DPP10: variants seen among roughly 807,000 people sequenced by gnomAD.
DPP10 encodes dipeptidyl peptidase like 10, also known as inactive dipeptidyl peptidase 10.
DPP10 carries 33 observed loss-of-function variants against 120.9 expected under a neutral mutation model. That is an observed-to-expected ratio of 0.27 (90% confidence interval 0.21 to 0.37). The LOEUF (loss-of-function observed/expected upper bound fraction) is 0.37, where lower values mean the gene tolerates loss of function less well. DPP10 is among the 10% of genes least tolerant of loss of function. The pLI is 1.00. For synonymous variants in DPP10, 337 were observed against 326.1 expected (o/e 1.03, Z -0.36); for missense variants, 816 against 942.8 (o/e 0.87, Z 1.76).
At chr2:115,350,890 G>A (rs1308225764) in intron 3 of DPP10, among the ~76,000 whole-genome samples, 2 of 152,086 alleles carry the variant, frequency 1.3e-5, no homozygotes, top group African/African-American at 4.8e-5. Context: ...TGATGAGGCT[G>A]TGGAGAAAAG....
chr2:115,262,706 C>T (rs2059304926), intron 1 of DPP10, among the ~76,000 whole-genome samples: 1 of 152,232 alleles, frequency 6.6e-6, no homozygotes, highest in African/African-American at 2.4e-5. Context: ...AAATTGCATG[C>T]TTAGAAATTT....
At chr2:114,594,404 T>TTACATATATGTGAA (rs1238245102) in intron 1 of DPP10, among the ~76,000 whole-genome samples, 1 of 149,138 alleles carries the variant, frequency 6.7e-6, no homozygotes, top group Non-Finnish European at 1.5e-5. Flanking sequence ...AAACTCCCTT[T>TTACATATATGTGAA]TACATATATG....
intron 1 of DPP10, among the ~76,000 whole-genome samples, chr2:114,637,644 C>T (rs565885984): frequency 6.6e-6 from 1 of 151,818 alleles, no homozygotes; most frequent in Non-Finnish European, 1.5e-5. Flanking sequence ...TTTAATCCAT[C>T]TTGAGTTAAT....
rs1327633991 is a variant in DPP10, at chr2:115,077,326, AAG to A, written c.61-231911_61-231910del. ...TCTGATTTAATAATTAAAAAGATAAAAGAATTATATAATTTTTTATGAGAACA... is the reference window on the plus strand; with the variant it reads ...TCTGATTTAATAATTAAAAAGATAAAAATTATATAATTTTTTATGAGAACA... On this transcript the variant is annotated intron_variant, in intron 1 of 25. Transcript: ENST00000410059. 3.3e-5 allele frequency among the ~76,000 whole-genome samples: 5 copies of A among 152,302 alleles called. No individual in the cohort carries two copies. In the East Asian group the frequency reaches 9.6e-4, roughly 29 times the overall value.
At chr2:115,593,299 C>G (rs950473376) in intron 5 of DPP10, among the ~76,000 whole-genome samples, 2 of 152,138 alleles carry the variant, frequency 1.3e-5, no homozygotes, top group Admixed American at 6.5e-5. Flanking sequence ...TGGCACGGTG[C>G]CTCTATAGAC....
intron 17 of DPP10, among the ~76,000 whole-genome samples, chr2:115,787,090 A>G (rs973301974): frequency 1.3e-5 from 2 of 152,182 alleles, no homozygotes; most frequent in African/African-American, 4.8e-5. Flanking sequence ...CACTAAAAAG[A>G]TTTCTTGAAA....
intron 1 of DPP10, among the ~76,000 whole-genome samples, chr2:114,642,441 C>A (rs1401917514): frequency 6.6e-6 from 1 of 151,850 alleles, no homozygotes; most frequent in Non-Finnish European, 1.5e-5. Context: ...AATGAGTTGA[C>A]AAAATTAAAC....
intron 3 of DPP10, among the ~76,000 whole-genome samples, chr2:115,428,579 TAAAC>T (rs2070691246): frequency 6.6e-6 from 1 of 151,968 alleles, no homozygotes; most frequent in Non-Finnish European, 1.5e-5. Flanking sequence ...CACACACTTT[TAAAC>T]AACCAGATCT....
chr2:114,781,553 A>G (rs1682326894), intron 1 of DPP10, among the ~76,000 whole-genome samples: 1 of 152,162 alleles, frequency 6.6e-6, no homozygotes, highest in South Asian at 2.1e-4. Flanking sequence ...GTAATACAGA[A>G]GTCCATATTG....
intron 1 of DPP10, among the ~76,000 whole-genome samples, chr2:114,474,184 C>CT (rs1680182080): frequency 6.6e-6 from 1 of 152,196 alleles, no homozygotes; most frequent in Non-Finnish European, 1.5e-5. Flanking sequence ...TCTCAAACTC[C>CT]TTACCTAGTG....
At chr2:114,793,711 A>G (rs1045462552) in intron 1 of DPP10, among the ~76,000 whole-genome samples, 5 of 152,226 alleles carry the variant, frequency 3.3e-5, no homozygotes, top group African/African-American at 9.6e-5. Context: ...TTAGAATTAT[A>G]TCAGCAAATT....
chr2:115,507,733 G>A (rs1332043216), intron 4 of DPP10, among the ~76,000 whole-genome samples: 2 of 152,098 alleles, frequency 1.3e-5, no homozygotes, highest in Non-Finnish European at 1.5e-5. Context: ...AAAGAAAGTG[G>A]CAATACCTAA....
chr2:114,594,862 T>G (rs188978840), intron 1 of DPP10, among the ~76,000 whole-genome samples: 1 of 152,166 alleles, frequency 6.6e-6, no homozygotes, highest in African/African-American at 2.4e-5. Context: ...TCTGCTTACC[T>G]TTCCTGTCTC....
intron 7 of DPP10, among the ~76,000 whole-genome samples, chr2:115,715,462 A>G (rs977665305): frequency 6.6e-6 from 1 of 151,974 alleles, no homozygotes; most frequent in Non-Finnish European, 1.5e-5. Context: ...TCTCTCAACC[A>G]GATTCAGACT....
At chr2:114,484,255 C>T (rs1014093711) in intron 1 of DPP10, among the ~76,000 whole-genome samples, 2 of 152,092 alleles carry the variant, frequency 1.3e-5, no homozygotes, top group African/African-American at 4.8e-5. Context: ...GCGAGACTTG[C>T]AATTAGATTT....
chr2:115,105,147 T>C (rs2048885230), intron 1 of DPP10, among the ~76,000 whole-genome samples: 1 of 152,244 alleles, frequency 6.6e-6, no homozygotes, highest in African/African-American at 2.4e-5. Flanking sequence ...CACATACTCA[T>C]ATCTAGGTCT....
At chr2:114,852,346 G>T (rs903477304) in intron 1 of DPP10, among the ~76,000 whole-genome samples, 6 of 151,158 alleles carry the variant, frequency 4.0e-5, no homozygotes, top group African/African-American at 1.5e-4. Context: ...CATATCCATG[G>T]GTTCTGTATC....
intron 1 of DPP10, among the ~76,000 whole-genome samples, chr2:114,983,806 T>C (rs1700233702): frequency 6.6e-6 from 1 of 152,212 alleles, no homozygotes; most frequent in South Asian, 2.1e-4. Flanking sequence ...ATAGTGATCT[T>C]GGAGGTTGAT....
At chr2:114,588,121 A>C (rs1243887722) in intron 1 of DPP10, among the ~76,000 whole-genome samples, 2 of 152,204 alleles carry the variant, frequency 1.3e-5, no homozygotes, top group African/African-American at 4.8e-5. Context: ...TGTCTCATTT[A>C]CAGAACAAAT....
Sources: allele counts gnomAD v4.1 joint callset (sites outside exome capture counted in the v4.1 genomes callset), GRCh38; gene constraint gnomAD v4.1.1; transcripts MANE v1.5; gene names NCBI Gene and HGNC (gene_info 2026-07-23, HGNC 2026-07-21).